Variants in HDLBP observed in about 807,000 individuals in gnomAD.
HDLBP encodes high density lipoprotein binding protein, also known as vigilin.
A neutral mutation model predicts 137.3 loss-of-function variants in HDLBP; 30 were observed. That is an observed-to-expected ratio of 0.22 (90% confidence interval 0.16 to 0.30). The LOEUF is 0.30. Among genes scored for constraint, HDLBP ranks in the 10% least tolerant of loss-of-function variants. The pLI is 1.00. For synonymous variants in HDLBP, 606 were observed against 596.0 expected (o/e 1.02, Z -0.24); for missense variants, 1,119 against 1,667.3 (o/e 0.67, Z 5.73).
intron 1 of HDLBP, chr2:241,273,357 C>CA (rs1247501263): frequency 1.6e-6 from 1 of 606,320 alleles, no homozygotes; most frequent in African/African-American, 2.0e-5. Flanking sequence ...AATCTCCCCC[C>CA]CAAAATGTAA....
At chr2:241,267,472 C>T (rs1449941900) in intron 2 of HDLBP, 7 of 1,073,034 alleles carry the variant, frequency 6.5e-6, no homozygotes, top group Non-Finnish European at 9.6e-6. Flanking sequence ...GTGGGGGGAC[C>T]ATGGAACCTG....
intron 7 of HDLBP, 43 bp from the exon 8 acceptor site, chr2:241,255,623 G>C: frequency 6.5e-7 from 1 of 1,528,208 alleles, no homozygotes; most frequent in South Asian, 1.1e-5. Context: ...GGAAAGGTGT[G>C]GGAAGCGGGC....
intron 1 of HDLBP, among the ~76,000 whole-genome samples, chr2:241,274,991 C>A (rs1306023501): frequency 6.6e-6 from 1 of 151,740 alleles, no homozygotes; most frequent in Non-Finnish European, 1.5e-5. Context: ...ATAGGTAGAT[C>A]AAAAAAAGAA....
At position 241,272,115 on chromosome 2, in the gene HDLBP, C is replaced by T; in HGVS notation, c.-102-3574G>A. ...TTCATCCACGACCCTGGGGCACGTC[C>T]AAGTTGCACTCCAGGCCCAAGAAGA... On this transcript the variant is annotated intron_variant, in intron 1 of 27. Coordinates refer to ENST00000310931, the MANE Select transcript of HDLBP (RefSeq NM_005336.6). This position sits in a 1 kb window ranked among gnomAD's most constrained non-coding sequence, Gnocchi z 5.6. 1.2e-6 allele frequency: 1 copy of T among 860,110 alleles called. No homozygotes were observed. The allele number at this position is 860,110 out of a possible 1,614,324, so 53.3% of individuals were successfully genotyped here.
At chr2:241,293,662 G>A (rs1198823953) in intron 1 of HDLBP, among the ~76,000 whole-genome samples, 1 of 151,416 alleles carries the variant, frequency 6.6e-6, no homozygotes, top group Non-Finnish European at 1.5e-5. Context: ...ACTCACACCT[G>A]TAATCCCAGC....
At chr2:241,284,232 G>T (rs2074721413) in intron 1 of HDLBP, among the ~76,000 whole-genome samples, 1 of 152,354 alleles carries the variant, frequency 6.6e-6, no homozygotes, top group Middle Eastern at 3.4e-3. Context: ...AGCTGCCATA[G>T]ATAGTTATTC....
At chr2:241,310,351 T>C (rs766213962) in intron 1 of HDLBP, among the ~76,000 whole-genome samples, 1 of 152,232 alleles carries the variant, frequency 6.6e-6, no homozygotes, top group East Asian at 1.9e-4. Flanking sequence ...TTATGAGATA[T>C]ATTGTACAGC....
chr2:241,308,736 C>T (rs941135350), intron 1 of HDLBP, among the ~76,000 whole-genome samples: 19 of 152,186 alleles, frequency 1.2e-4, no homozygotes, highest in African/African-American at 4.3e-4. Flanking sequence ...TAGCCTTTGC[C>T]TCAGGGTCTA....
At chr2:241,237,845 TA>T (rs2070744005) in intron 20 of HDLBP, among the ~76,000 whole-genome samples, 1 of 152,246 alleles carries the variant, frequency 6.6e-6, no homozygotes, top group Non-Finnish European at 1.5e-5. Flanking sequence ...GTGTAAAACA[TA>T]GACAGAGTGC....
chr2:241,271,643 A>G (rs1356020170), intron 1 of HDLBP, among the ~76,000 whole-genome samples: 3 of 152,244 alleles, frequency 2.0e-5, no homozygotes, highest in Non-Finnish European at 2.9e-5. Flanking sequence ...AATTATCAGT[A>G]ATACTCCAGG....
At position 241,229,838 on chromosome 2, in the gene HDLBP, C is replaced by T. The variant is rs2069513437; in HGVS notation, c.3715G>A (p.Glu1239Lys). Residue 1239 changes from glutamate (E) to lysine (K), a missense_variant, in exon 27 of 28, where the codon GAG (glutamate) becomes AAG (lysine). Coordinates refer to ENST00000310931, the MANE Select transcript of HDLBP (RefSeq NM_005336.6). ...RDAPWTASSS[E>K]KAPDMSSSEE... Reference sequence around the variant, plus strand: ...GGCAGAAGCCCGCATCTGACCTTCTCACTGCTGCTGGCGGTCCAGGGTGCG... The same window carrying T: ...GGCAGAAGCCCGCATCTGACCTTCTTACTGCTGCTGGCGGTCCAGGGTGCG... 1.4e-6 allele frequency: 2 copies of T among 1,410,948 alleles called. No homozygotes were observed. Among genetic ancestry groups the T allele is most frequent in the Non-Finnish European group, 1.9e-6 (2 of 1,056,804 alleles). The allele number at this position is 1,410,948 out of a possible 1,614,324, so 87.4% of individuals were successfully genotyped here. A position where few individuals can be genotyped will look rare whatever the true frequency, so the allele number is the denominator to read the frequency against.
At chr2:241,252,183 T>C (rs1048693309) in intron 11 of HDLBP, among the ~76,000 whole-genome samples, 1 of 151,996 alleles carries the variant, frequency 6.6e-6, no homozygotes, top group Non-Finnish European at 1.5e-5. Flanking sequence ...ATAGCGACCT[T>C]GGCTGACATA....
chr2:241,267,865 G>A (rs143324728), intron 2 of HDLBP: 10 of 985,424 alleles, frequency 1.0e-5, no homozygotes, highest in Admixed American at 1.2e-4. Context: ...GCCCAAGGGC[G>A]CTGAGTTTCT....
chr2:241,236,559 A>G, intron 21 of HDLBP, 56 bp downstream of exon 21: 1 of 1,579,110 alleles, frequency 6.3e-7, no homozygotes, highest in South Asian at 1.1e-5. Flanking sequence ...GCGTCTCCCC[A>G]GGTGCCTGCT....
Position 241,242,525 on chromosome 2 carries a change from T to A in HDLBP, c.2104A>T (p.Ile702Phe). 6.2e-7 allele frequency: 1 copy of A among 1,614,166 alleles called. No individual in the cohort carries two copies. Among genetic ancestry groups the A allele is most frequent in the Non-Finnish European group, 8.5e-7 (1 of 1,180,032 alleles). The change falls in exon 17 of 28, where the codon ATC becomes TTC. Residue 702 changes from isoleucine (I) to phenylalanine (F), a missense_variant. Ile to Phe is a conservative substitution (Grantham distance 21). Transcript: ENST00000310931. ...VEGSGSDTVV[I>F]RGPSSDVEKA... The stretch of plus-strand genomic sequence containing the variant: ...TCCACATCCGAGGAAGGGCCCCTGA[T>A]AACAACGGTGTCGCTTCCTGAACCT...
chr2:241,252,870 G>A, intron 11 of HDLBP, 87 bp downstream of exon 11: 1 of 862,998 alleles, frequency 1.2e-6, no homozygotes, highest in Non-Finnish European at 2.0e-6. Context: ...TGGACTGTCT[G>A]CACGGACGTC....
Position 241,238,337 on chromosome 2 carries a change from G to C in HDLBP, c.2749+312C>G, listed in dbSNP as rs1264895061. The C allele has an allele frequency of 1.4e-5, 3 of 212,526 alleles. No individual in the cohort carries two copies. The highest frequency in any genetic ancestry group is 2.8e-5 in the Non-Finnish European group (3 of 107,812). The allele number at this position is 212,526 out of a possible 1,614,324, so 13.2% of individuals were successfully genotyped here. On this transcript the variant is annotated intron_variant, in intron 20 of 27. Transcript: ENST00000310931. The surrounding 1 kb of genome is among the most constrained non-coding windows in gnomAD (Gnocchi z 4.9). ...ACGACGGGGCTCATGCGATCCAAAC[G>C]ATGTCATGAGAATCACTGGGACTGA...
intron 24 of HDLBP, among the ~76,000 whole-genome samples, chr2:241,232,785 C>T (rs2069926632): frequency 1.3e-5 from 2 of 151,910 alleles, no homozygotes; most frequent in African/African-American, 2.4e-5. Flanking sequence ...CTGCACTCCA[C>T]CTGGGGCAAC....
chr2:241,241,884 T>C (rs2071274200), intron 17 of HDLBP, among the ~76,000 whole-genome samples: 1 of 152,164 alleles, frequency 6.6e-6, no homozygotes, highest in Non-Finnish European at 1.5e-5. Flanking sequence ...TCCTCGCCAG[T>C]CTCATCTTCA....
Sources: gnomAD v4.1 joint callset for allele counts (sites outside exome capture counted in the v4.1 genomes callset) on GRCh38, gnomAD v4.1.1 for gene constraint, Gnocchi (gnomAD v3.1) non-coding constraint, MANE v1.5 for transcripts, NCBI Gene and HGNC (gene_info 2026-07-23, HGNC 2026-07-21) for gene names.